Variants in ZNF469 observed in about 807,000 individuals in gnomAD.
ZNF469 encodes the protein zinc finger protein 469.
In ZNF469, 1 loss-of-function variant was observed where a neutral mutation model predicts 1.0. The observed-to-expected ratio is 1.00, with a 90% CI of 0.35 to 4.73. The LOEUF (loss-of-function observed/expected upper bound fraction) is 4.73, where lower values mean the gene tolerates loss of function less well. Among genes scored for constraint, ZNF469 ranks in the 30% most tolerant of loss-of-function variants. ZNF469 has a pLI of 0.16. For missense variants in ZNF469, 6,100 were observed against 5,356.3 expected, an observed-to-expected ratio of 1.14 and a Z score of -4.33; for synonymous variants, 2,703 against 2,363.4, an observed-to-expected ratio of 1.14 and a Z score of -4.17.
chr16:88,434,260 T>A lies in ZNF469; in HGVS notation c.6790T>A (p.Ser2264Thr), dbSNP rs1906407272. ...TTCCAGAAAAGAGAAGCTGTGGGAG[T>A]CTCCTGGCCGAGCCACCTCTCCTCC... ...EDSRKEKLWESPGRATSPPLA... is the reference protein window; with the variant it reads ...EDSRKEKLWETPGRATSPPLA... The change falls in exon 3 of 3, where the codon TCT becomes ACT. Residue 2264 changes from serine to threonine, a missense_variant. Ser to Thr is a moderately conservative substitution (Grantham distance 58). Transcript: ENST00000565624. 1 of 1,549,818 alleles carries A rather than the reference T, an allele frequency of 6.5e-7. No homozygotes were observed. Among genetic ancestry groups the A allele is most frequent in the Non-Finnish European group, 8.7e-7 (1 of 1,146,842 alleles).
At chr16:88,130,398 G>A in the ZNF469 span, among the ~76,000 whole-genome samples, 6 of 152,186 alleles carry the variant, frequency 3.9e-5, no homozygotes, top group African/African-American at 1.2e-4. Context: ...ACCACAGGGC[G>A]TGTGGGGAAA....
rs1171426983 is a variant in ZNF469 at position 88,438,084 on chromosome 16, C to T, written c.10614C>T (p.Ile3538=). ...CTGTAGACCCCGTGACCCACCCGAT[C>T]AGAGGTTGTGAGCTGCCATCCAACC... ...ERPVDPVTHP[I]RGCELPSNHQ... is the part of the protein sequence containing the mutation. Residue 3538 remains isoleucine (I), a synonymous_variant, in exon 3 of 3, where the codon ATC becomes ATT. Transcript: ENST00000565624. 1.9e-6 allele frequency: 3 copies of T among 1,550,314 alleles called. No homozygotes were observed. The African/African-American group carries it at 4.1e-5, about 21-fold the overall frequency.
the ZNF469 span, among the ~76,000 whole-genome samples, chr16:88,134,020 C>T: frequency 6.6e-6 from 1 of 152,302 alleles, no homozygotes; most frequent in African/African-American, 2.4e-5. Flanking sequence ...AATAGAACCC[C>T]CCCGGAGGTG....
At chr16:88,351,111 G>A in the ZNF469 span, among the ~76,000 whole-genome samples, 1 of 152,186 alleles carries the variant, frequency 6.6e-6, no homozygotes, top group Admixed American at 6.5e-5. Context: ...TCAGCATGTC[G>A]GGGTCAGTCA....
At chr16:88,325,541 C>T in the ZNF469 span, among the ~76,000 whole-genome samples, 1 of 152,254 alleles carries the variant, frequency 6.6e-6, no homozygotes, top group African/African-American at 2.4e-5. Context: ...TGTGGTGGCG[C>T]CAAGCCCAGC....
chr16:88,378,927 G>A (rs530320739), upstream of ZNF469, among the ~76,000 whole-genome samples: 8 of 152,342 alleles, frequency 5.3e-5, no homozygotes, highest in South Asian at 4.1e-4. Flanking sequence ...TGGGGCAGGC[G>A]TGGGCCCACA....
rs1311658832 is a variant in ZNF469 at position 88,430,340 on chromosome 16, A to C, written c.2870A>C (p.Asp957Ala). The C allele has an allele frequency of 6.6e-7, 1 of 1,514,372 alleles. No individual in the cohort carries two copies. The highest frequency in any genetic ancestry group is 8.8e-7 in the Non-Finnish European group (1 of 1,135,682). 93.8% of individuals were successfully genotyped at this position (1,514,372 alleles called of 1,614,324 possible). A position where few individuals can be genotyped will look rare whatever the true frequency, so the allele number is the denominator to read the frequency against. ...AAGCAGTTGAAGCTGTTCCGGAAGG[A>C]TCTGGACTCGGGCGGCGCAGCAGAG... The part of the protein sequence containing the change: ...RGKQLKLFRK[D>A]LDSGGAAEGS... Residue 957 changes from aspartate to alanine, a missense_variant, in exon 3 of 3, where the codon GAT (aspartate) becomes GCT (alanine). Asp to Ala is a moderately radical substitution (Grantham distance 126). Transcript: ENST00000565624.
chr16:88,243,796 T>C, the ZNF469 span, among the ~76,000 whole-genome samples: 1 of 148,832 alleles, frequency 6.7e-6, no homozygotes, highest in Admixed American at 6.7e-5. Context: ...GATAAAGGAA[T>C]TGGGTGAATA....
the ZNF469 span, among the ~76,000 whole-genome samples, chr16:88,104,622 T>C: frequency 6.6e-6 from 1 of 152,214 alleles, no homozygotes; most frequent in African/African-American, 2.4e-5. Context: ...AGCGTCACAT[T>C]CCGGGGGCCT....
chr16:88,383,678 G>T (rs893765350), intron 1 of ZNF469, among the ~76,000 whole-genome samples: 1 of 151,258 alleles, frequency 6.6e-6, no homozygotes, highest in South Asian at 2.1e-4. Flanking sequence ...ATCGGAGCCG[G>T]GGGTGCCCCA....
rs758477114 is a variant in ZNF469 at position 88,429,876 on chromosome 16, C to A, written c.2406C>A (p.Asp802Glu). The A allele has an allele frequency of 9.7e-6, 15 of 1,550,038 alleles. No homozygotes were observed. Among genetic ancestry groups the A allele is most frequent in the Non-Finnish European group, 1.0e-5 (12 of 1,146,892 alleles). The change falls in exon 3 of 3, where the codon GAC (aspartate) becomes GAA (glutamate). Residue 802 changes from aspartate (D) to glutamate (E), a missense_variant. Asp to Glu is a conservative substitution (Grantham distance 45). Transcript: ENST00000565624. ...SHAKTFLLAG[D>E]AQAEGKDDPL... is the part of the protein sequence containing the mutation. ...CGAAGACCTTCCTGTTAGCTGGGGA[C>A]GCCCAGGCCGAGGGCAAAGACGACC...
intron 1 of ZNF469, among the ~76,000 whole-genome samples, chr16:88,420,311 A>C (rs1905420263): frequency 6.6e-6 from 1 of 152,194 alleles, no homozygotes; most frequent in Admixed American, 6.5e-5. Flanking sequence ...CACACCAGGG[A>C]TGGATGCAGC....
At chr16:88,185,588 A>G in the ZNF469 span, among the ~76,000 whole-genome samples, 1 of 151,862 alleles carries the variant, frequency 6.6e-6, no homozygotes, top group African/African-American at 2.4e-5. Flanking sequence ...TCGCACACAC[A>G]TGCATACACA....
At chr16:88,405,625 C>T (rs979341609) in intron 1 of ZNF469, among the ~76,000 whole-genome samples, 3 of 152,150 alleles carry the variant, frequency 2.0e-5, no homozygotes. Flanking sequence ...GAGATTTCAC[C>T]AAACACCCAT....
At chr16:88,239,204 T>C in the ZNF469 span, among the ~76,000 whole-genome samples, 1 of 152,180 alleles carries the variant, frequency 6.6e-6, no homozygotes, top group Non-Finnish European at 1.5e-5. Context: ...TCTGGGGTTT[T>C]TCTACTGGTC....
At chr16:88,169,838 C>A in the ZNF469 span, among the ~76,000 whole-genome samples, 2 of 152,188 alleles carry the variant, frequency 1.3e-5, no homozygotes, top group African/African-American at 4.8e-5. This position sits in a 1 kb window ranked among gnomAD's most constrained non-coding sequence, Gnocchi z 6.1. Flanking sequence ...GTTCCTGTGG[C>A]CCCTCCGCCT....
the ZNF469 span, among the ~76,000 whole-genome samples, chr16:88,262,096 G>A: frequency 1.6e-4 from 25 of 152,308 alleles, no homozygotes; most frequent in African/African-American, 5.5e-4. This position sits in a 1 kb window ranked among gnomAD's most constrained non-coding sequence, Gnocchi z 4.3. Flanking sequence ...AGGCTGCACC[G>A]ACGTTTCCAC....
At chr16:88,249,020 C>G in the ZNF469 span, among the ~76,000 whole-genome samples, 12 of 152,152 alleles carry the variant, frequency 7.9e-5, no homozygotes, top group African/African-American at 2.4e-4. Flanking sequence ...TGCAAGGCCC[C>G]TGGCTGTCTC....
the ZNF469 span, chr16:88,177,731 A>C: frequency 6.6e-6 from 1 of 152,076 alleles, no homozygotes. This position sits in a 1 kb window ranked among gnomAD's most constrained non-coding sequence, Gnocchi z 4.8. Flanking sequence ...TTTTTGAGGC[A>C]GGGTCTCACT....
Sources: allele counts gnomAD v4.1 joint callset (sites outside exome capture counted in the v4.1 genomes callset), GRCh38; gene constraint gnomAD v4.1.1; non-coding constraint Gnocchi (gnomAD v3.1); transcripts MANE v1.5; gene names NCBI Gene and HGNC (gene_info 2026-07-23, HGNC 2026-07-21).